The following SIPA1L2 variants were observed in gnomAD, a reference collection of about 807,000 sequenced individuals.
SIPA1L2 encodes signal induced proliferation associated 1 like 2.
In SIPA1L2, 56 loss-of-function variants were observed where a neutral mutation model predicts 163.9. The ratio of observed to expected loss-of-function variants is 0.34; its 90% CI spans 0.28 to 0.43. The LOEUF (loss-of-function observed/expected upper bound fraction) is 0.43, where lower values mean the gene tolerates loss of function less well. Ranked by LOEUF, SIPA1L2 falls within the 20% of genes least tolerant of loss-of-function variation. The pLI is 1.00. For synonymous variants in SIPA1L2, 877 were observed against 865.7 expected, an observed-to-expected ratio of 1.01 and a Z score of -0.23; for missense variants, 1,974 against 2,193.5, an observed-to-expected ratio of 0.90 and a Z score of 2.00.
chr1:232,502,590 C>T (rs12729264), intron 3 of SIPA1L2, among the ~76,000 whole-genome samples: 15,997 of 152,154 alleles, frequency 0.11, 879 homozygotes, highest in African/African-American at 0.12. Context: ...TCCCTTCATG[C>T]CTACCTTGCC....
At chr1:232,582,734 T>C (rs1307704614) in intron 1 of SIPA1L2, among the ~76,000 whole-genome samples, 1 of 152,228 alleles carries the variant, frequency 6.6e-6, no homozygotes, top group Non-Finnish European at 1.5e-5. Flanking sequence ...CAAACTGCTT[T>C]CCACACTGGG....
rs16857007 is a variant in SIPA1L2 at position 232,407,560 on chromosome 1, C to T, written c.4763-3382G>A. ...GGTTATGTGGAGCATTTCATTGCCA[C>T]AGTGGTGCCTGGAATGTGAATTGTT... is the stretch of plus-strand genomic sequence containing the variant. On this transcript the variant is annotated intron_variant, in intron 19 of 22. Coordinates refer to ENST00000674635, the MANE Select transcript of SIPA1L2 (RefSeq NM_020808.5). Among the ~76,000 whole-genome samples, 381 of 152,320 alleles carry T rather than the reference C, an allele frequency of 2.5e-3. 3 individuals are homozygous for T. The highest frequency in any genetic ancestry group is 8.4e-3 in the African/African-American group (350 of 41,560).
chr1:232,419,912 C>T (rs916632972), intron 18 of SIPA1L2, among the ~76,000 whole-genome samples: 2 of 152,194 alleles, frequency 1.3e-5, no homozygotes, highest in African/African-American at 2.4e-5. Context: ...CTGGGTACTA[C>T]ATCAGAACCT....
chr1:232,415,515 C>T lies in SIPA1L2; in HGVS notation c.4741G>A (p.Asp1581Asn), dbSNP rs1661194453. Residue 1581 changes from aspartate to asparagine, a missense_variant, in exon 19 of 23, where the codon GAT becomes AAT. This residue lies in a region of SIPA1L2 where 1,079 missense variants were observed against 1,150.7 expected (regional missense o/e 0.94). Transcript: ENST00000674635. ...TTACCTTCAAATGCCCGTGCAGCAT[C>T]CACGAGGTGGGTCCAATCTAACCCT... Reference protein sequence around the residue: ...ATGLDWTHLVDAARAFEGLDS... With the variant: ...ATGLDWTHLVNAARAFEGLDS... 10 of 1,612,294 alleles carry T rather than the reference C, an allele frequency of 6.2e-6. No individual in the cohort carries two copies. Among genetic ancestry groups the T allele is most frequent in the Non-Finnish European group, 8.5e-6 (10 of 1,179,284 alleles).
chr1:232,574,615 TAATA>T (rs1487842786), intron 1 of SIPA1L2, among the ~76,000 whole-genome samples: 1 of 152,224 alleles, frequency 6.6e-6, no homozygotes, highest in Non-Finnish European at 1.5e-5. Context: ...CATTCTTAAT[TAATA>T]AATATTTTCA....
chr1:232,483,658 T>C, intron 6 of SIPA1L2, 134 bp downstream of exon 6: 1 of 900,884 alleles, frequency 1.1e-6, no homozygotes, highest in Non-Finnish European at 1.7e-6. Context: ...AAATCTAAAC[T>C]CTATTCCAAA....
At chr1:232,626,724 A>G (rs149747338) in intron 1 of SIPA1L2, among the ~76,000 whole-genome samples, 15 of 152,340 alleles carry the variant, frequency 9.8e-5, no homozygotes, top group African/African-American at 3.6e-4. Flanking sequence ...CAAACTTACT[A>G]TAGGCCAAGG....
At chr1:232,461,224 A>T in intron 9 of SIPA1L2, 63 bp from the exon 10 acceptor site, 1 of 1,576,462 alleles carries the variant, frequency 6.3e-7, no homozygotes, top group South Asian at 1.2e-5. Flanking sequence ...GGCTCTGCCA[A>T]AGGTGCACGT....
rs143620406 is a variant in SIPA1L2, at chr1:232,434,883, A to G, written c.4032-2412T>C. Among the ~76,000 whole-genome samples, 105 of 152,304 alleles carry G rather than the reference A, an allele frequency of 6.9e-4. No individual in the cohort carries two copies. In the Middle Eastern group the frequency reaches 0.014, roughly 20 times the overall value. On this transcript the variant is annotated intron_variant, in intron 15 of 22. Transcript: ENST00000674635. ...TCCTATATTTCAGCATTCATTTCCC[A>G]AGAATAAGGACATCCCCCCAGTAGT...
chr1:232,482,379 T>C (rs1665405243), intron 6 of SIPA1L2, among the ~76,000 whole-genome samples: 1 of 151,842 alleles, frequency 6.6e-6, no homozygotes, highest in Non-Finnish European at 1.5e-5. Context: ...TGGAGGGACA[T>C]CCTTAAGGAC....
rs367596068 is a variant in SIPA1L2 at position 232,415,669 on chromosome 1, C to G, written c.4631-44G>C. On this transcript the variant is annotated intron_variant, in intron 18 of 22. Coordinates refer to ENST00000674635, the MANE Select transcript of SIPA1L2 (RefSeq NM_020808.5). ...AGAGAGTCAGTCATCAGTCACAGCACGGGCACCAGCCCAGAGTGAGTCAGA... is the reference window on the plus strand; with the variant it reads ...AGAGAGTCAGTCATCAGTCACAGCAGGGGCACCAGCCCAGAGTGAGTCAGA... The G allele has an allele frequency of 4.3e-6, 7 of 1,612,064 alleles. No individual in the cohort carries two copies. The Admixed American group carries it at 1.2e-4, about 27-fold the overall frequency.
chr1:232,471,429 G>A lies in SIPA1L2; in HGVS notation c.2185C>T (p.Gln729Ter), dbSNP rs1228123021. 3.7e-6 allele frequency: 6 copies of A among 1,614,018 alleles called. No individual in the cohort carries two copies. The change falls in exon 8 of 23, where the codon CAG (glutamine) becomes TAG (stop). Residue 729 changes from glutamine (Q) to a stop codon, truncating the protein, a stop_gained. Transcript: ENST00000674635. LOFTEE classifies it high-confidence loss of function. Reference sequence around the variant, plus strand: ...ACTTTGACTATGACAAAGACATGCTGAAAGTGAGACCGGATGCTTTTTGGA... The same window carrying A: ...ACTTTGACTATGACAAAGACATGCTAAAAGTGAGACCGGATGCTTTTTGGA... ...FTPKSIRSHF[Q>*]HVFVIVKVHN...
chr1:232,480,016 C>G (rs1169149779), intron 6 of SIPA1L2, among the ~76,000 whole-genome samples: 1 of 152,048 alleles, frequency 6.6e-6, no homozygotes, highest in Non-Finnish European at 1.5e-5. Flanking sequence ...TTTAGGTGAT[C>G]CACTGAAAGC....
At chr1:232,399,425 A>G in intron 22 of SIPA1L2, 152 bp from the exon 23 acceptor site, 1 of 752,728 alleles carries the variant, frequency 1.3e-6, no homozygotes, top group Admixed American at 2.8e-5. Flanking sequence ...GACTTTTCTG[A>G]TCCTGATTCC....
At chr1:232,531,828 A>G (rs1656971337) in intron 2 of SIPA1L2, among the ~76,000 whole-genome samples, 1 of 152,200 alleles carries the variant, frequency 6.6e-6, no homozygotes, top group Admixed American at 6.5e-5. Context: ...AAATACCTGA[A>G]GAAAAGGATG....
intron 1 of SIPA1L2, among the ~76,000 whole-genome samples, chr1:232,586,763 C>T (rs534361972): frequency 6.2e-4 from 95 of 152,306 alleles, no homozygotes; most frequent in Middle Eastern, 6.8e-3. Context: ...AGTTACAATG[C>T]GAAACTGCTG....
intron 9 of SIPA1L2, among the ~76,000 whole-genome samples, chr1:232,463,136 C>T (rs1197888490): frequency 2.0e-5 from 3 of 152,232 alleles, no homozygotes; most frequent in African/African-American, 7.2e-5. Context: ...AGCACGAACT[C>T]TTCTGAGAGC....
intron 1 of SIPA1L2, among the ~76,000 whole-genome samples, chr1:232,592,745 A>T (rs574269327): frequency 2.6e-5 from 4 of 152,184 alleles, no homozygotes; most frequent in Admixed American, 2.6e-4. Flanking sequence ...AAACTAATTT[A>T]ATATAAAATT....
intron 11 of SIPA1L2, among the ~76,000 whole-genome samples, chr1:232,444,239 T>G (rs939020067): frequency 5.9e-5 from 9 of 152,314 alleles, no homozygotes; most frequent in Non-Finnish European, 1.2e-4. Flanking sequence ...GTTTCCCTTT[T>G]GCTACTAGAA....
Sources: gnomAD v4.1 joint callset for allele counts (sites outside exome capture counted in the v4.1 genomes callset) on GRCh38, gnomAD v4.1.1 for gene constraint, gnomAD v4.1.1 regional missense constraint, MANE v1.5 for transcripts, NCBI Gene and HGNC (gene_info 2026-07-23, HGNC 2026-07-21) for gene names.